The following OR7D2 variants were observed in gnomAD, a reference collection of about 807,000 sequenced individuals.
The protein encoded by OR7D2 is olfactory receptor 7D2.
For missense variants in OR7D2, 370 were observed against 384.1 expected (o/e 0.96, Z 0.31); for synonymous variants, 158 against 158.7 (o/e 1.00, Z 0.03).
At chr19:9,182,070 G>A (rs79877761) in intron 2 of OR7D2, among the ~76,000 whole-genome samples, 3,249 of 152,216 alleles carry the variant, frequency 0.021, 126 homozygotes, top group African/African-American at 0.074. Flanking sequence ...AATATGGGTG[G>A]TTAACTATGA....
rs2051057230 is a variant in OR7D2, at chr19:9,188,711, GT to G, written c.*1994del. Reference sequence around the variant, plus strand: ...TTGTTCACTGACTTTATTTCTATGTGTTTGCATGTGGGTTTTTGTTGTTTGT... The same window carrying G: ...TTGTTCACTGACTTTATTTCTATGTGTTGCATGTGGGTTTTTGTTGTTTGT... On this transcript the variant is annotated 3_prime_UTR_variant, in exon 3 of 3. Transcript: ENST00000641288. 1 of 167,068 alleles carries G rather than the reference GT, an allele frequency of 6.0e-6. No individual in the cohort carries two copies. The highest frequency in any genetic ancestry group is 2.1e-4 in the South Asian group (1 of 4,830). 10.3% of individuals were successfully genotyped at this position (167,068 alleles called of 1,614,324 possible). A position where few individuals can be genotyped will look rare whatever the true frequency, so the allele number is the denominator to read the frequency against.
In OR7D2 at chr19:9,187,737, A is replaced by G. The variant is rs1196868890; in HGVS notation, c.*1017A>G. On this transcript the variant is annotated 3_prime_UTR_variant, in exon 3 of 3. Coordinates refer to ENST00000641288, the MANE Select transcript of OR7D2 (RefSeq NM_175883.4). The stretch of plus-strand genomic sequence containing the variant: ...TCCCACTTATAACTGAGAACATACG[A>G]TATGTTCATATGGATCTTATGTATG... 2 of 166,954 alleles carry G rather than the reference A, an allele frequency of 1.2e-5. No individual in the cohort carries two copies. Among genetic ancestry groups the G allele is most frequent in the Non-Finnish European group, 1.5e-5 (1 of 68,112 alleles). The allele number at this position is 166,954 out of a possible 1,614,324, so 10.3% of individuals were successfully genotyped here.
rs1248091730 is a variant in OR7D2, at chr19:9,179,120, C to T, written c.-108C>T. ...CATACCAGCATTTTTTTTTTTCAAGCAATGTCAGTTGAGTGACTCACACTA... is the reference window on the plus strand; with the variant it reads ...CATACCAGCATTTTTTTTTTTCAAGTAATGTCAGTTGAGTGACTCACACTA... On this transcript the variant is annotated 5_prime_UTR_variant, in exon 1 of 3. Coordinates refer to ENST00000641288, the MANE Select transcript of OR7D2 (RefSeq NM_175883.4). The T allele has an allele frequency of 6.6e-6, 1 of 151,172 alleles. No individual in the cohort carries two copies. The highest frequency in any genetic ancestry group is 1.5e-5 in the Non-Finnish European group (1 of 67,834). The allele number at this position is 151,172 out of a possible 1,614,324, so 9.4% of individuals were successfully genotyped here.
rs116406503 is a variant in OR7D2 at position 9,182,449 on chromosome 19, T to C, written c.-14+1661T>C. 675 of 324,250 alleles carry C rather than the reference T, an allele frequency of 2.1e-3. 1 individual carries two copies. The highest frequency in any genetic ancestry group is 0.014 in the African/African-American group (642 of 44,504). The allele number at this position is 324,250 out of a possible 1,614,324, so 20.1% of individuals were successfully genotyped here. ...GGGAATTCGGGAATCTCGGTGGAGC[T>C]GTTAGCGTAGCGAACCTTGTACATA... is the stretch of plus-strand genomic sequence containing the variant. On this transcript the variant is annotated intron_variant, in intron 2 of 2. Transcript: ENST00000641288.
chr19:9,183,895 C>T (rs1421759917), intron 2 of OR7D2, among the ~76,000 whole-genome samples: 1 of 130,578 alleles, frequency 7.7e-6, no homozygotes, highest in East Asian at 2.6e-4. Flanking sequence ...GGGGCGGAGC[C>T]TGCAGTGAGC....
chr19:9,185,910 G>A lies in OR7D2; in HGVS notation c.129G>A (p.Leu43=). 3 of 1,614,036 alleles carry A rather than the reference G, an allele frequency of 1.9e-6. No individual in the cohort carries two copies. The highest frequency in any genetic ancestry group is 2.5e-6 in the Non-Finnish European group (3 of 1,179,976). ...SMYLVTVLGN[L]LIILAISSDS... is the part of the protein sequence containing the mutation. ...ACCTGGTGACGGTGCTGGGAAACCT[G>A]CTCATCATCCTGGCCATCAGCTCTG... is the stretch of plus-strand genomic sequence containing the variant. Residue 43 remains leucine (L), a synonymous_variant, in exon 3 of 3, where the codon CTG becomes CTA. Coordinates refer to ENST00000641288, the MANE Select transcript of OR7D2 (RefSeq NM_175883.4).
In OR7D2 at chr19:9,186,165, C is replaced by T. The variant is rs1372747773; in HGVS notation, c.384C>T (p.His128=). The change falls in exon 3 of 3, where the codon CAC becomes CAT. Residue 128 remains histidine (H), a synonymous_variant. Transcript: ENST00000641288. The stretch of plus-strand genomic sequence containing the variant: ...ATGACCGGTTTGTGGCTGTCTGCCA[C>T]CCTCTGCACTATATGATCATCATGA... The part of the protein sequence containing the change: ...MAYDRFVAVC[H]PLHYMIIMNP... 1.2e-6 allele frequency: 2 copies of T among 1,613,936 alleles called. No individual in the cohort carries two copies. The highest frequency in any genetic ancestry group is 1.7e-5 in the Admixed American group (1 of 59,996).
chr19:9,185,560 A>AT (rs1166213142), intron 2 of OR7D2: 1 of 192,506 alleles, frequency 5.2e-6, no homozygotes, highest in African/African-American at 2.3e-5. Flanking sequence ...AAATACATAT[A>AT]TACATAGTTT....
Position 9,186,968 on chromosome 19 carries a change from G to C in OR7D2, c.*248G>C. The C allele has an allele frequency of 3.3e-6, 1 of 304,970 alleles. No homozygotes were observed. Among genetic ancestry groups the C allele is most frequent in the Non-Finnish European group, 6.0e-6 (1 of 165,730 alleles). 18.9% of individuals were successfully genotyped at this position (304,970 alleles called of 1,614,324 possible). On this transcript the variant is annotated 3_prime_UTR_variant, in exon 3 of 3. Transcript: ENST00000641288. The stretch of plus-strand genomic sequence containing the variant: ...GAGTCTCACTCTGTCTCCCAGGCTG[G>C]AGTGCAGTGGAGTGATCTCGGCTCA...
At chr19:9,181,015 C>T (rs2050985861) in intron 2 of OR7D2, among the ~76,000 whole-genome samples, 1 of 151,868 alleles carries the variant, frequency 6.6e-6, no homozygotes, top group South Asian at 2.1e-4. Context: ...GTCATAGCTA[C>T]TCAGGAGGCT....
chr19:9,186,167 C>G lies in OR7D2; in HGVS notation c.386C>G (p.Pro129Arg), dbSNP rs1426724307. 6.2e-7 allele frequency: 1 copy of G among 1,613,922 alleles called. No homozygotes were observed. ...AYDRFVAVCH[P>R]LHYMIIMNPH... is the part of the protein sequence containing the mutation. The stretch of plus-strand genomic sequence containing the variant: ...GACCGGTTTGTGGCTGTCTGCCACC[C>G]TCTGCACTATATGATCATCATGAAC... Residue 129 changes from proline (P) to arginine (R), a missense_variant, in exon 3 of 3, where the codon CCT becomes CGT. Coordinates refer to ENST00000641288, the MANE Select transcript of OR7D2 (RefSeq NM_175883.4).
Position 9,186,903 on chromosome 19 carries a change from A to C in OR7D2, c.*183A>C. ...GAGCTTTTGGCGTACCAATTACCTG[A>C]ATAGTGAACATAAGGCACTTTTTTT... On this transcript the variant is annotated 3_prime_UTR_variant, in exon 3 of 3. Transcript: ENST00000641288. The C allele has an allele frequency of 1.9e-6, 1 of 519,024 alleles. No individual in the cohort carries two copies. The highest frequency in any genetic ancestry group is 3.4e-6 in the Non-Finnish European group (1 of 295,084). The allele number at this position is 519,024 out of a possible 1,614,324, so 32.2% of individuals were successfully genotyped here.
chr19:9,185,225 T>C (rs2051021667), intron 2 of OR7D2, among the ~76,000 whole-genome samples: 1 of 152,206 alleles, frequency 6.6e-6, no homozygotes, highest in Non-Finnish European at 1.5e-5. Flanking sequence ...AGACGATGGA[T>C]ATGTTCATTT....
At chr19:9,183,602 G>A (rs1455730495) in intron 2 of OR7D2, among the ~76,000 whole-genome samples, 1 of 151,780 alleles carries the variant, frequency 6.6e-6, no homozygotes, top group Non-Finnish European at 1.5e-5. Context: ...CATTACTAGC[G>A]GTTAGCTAAC....
chr19:9,183,719 A>T (rs2051007657), intron 2 of OR7D2, among the ~76,000 whole-genome samples: 1 of 151,064 alleles, frequency 6.6e-6, no homozygotes, highest in South Asian at 2.1e-4. Flanking sequence ...GCACTTTGGG[A>T]GGCCGAGGCG....
chr19:9,181,125 A>G (rs1204613293), intron 2 of OR7D2, among the ~76,000 whole-genome samples: 1 of 151,302 alleles, frequency 6.6e-6, no homozygotes, highest in African/African-American at 2.5e-5. Context: ...ACCCTGTCAA[A>G]AAAAAAATTG....
At chr19:9,181,671 C>T (rs952254572) in intron 2 of OR7D2, among the ~76,000 whole-genome samples, 1 of 151,940 alleles carries the variant, frequency 6.6e-6, no homozygotes, top group South Asian at 2.1e-4. Flanking sequence ...CCTAGGCTGG[C>T]CTCAAACTGC....
chr19:9,185,709 G>T, intron 2 of OR7D2, 60 bp from the exon 3 acceptor site: 1 of 1,041,686 alleles, frequency 9.6e-7, no homozygotes, highest in Non-Finnish European at 1.4e-6. Context: ...TCAGCCTCCC[G>T]AGTAGCTGGG....
chr19:9,186,585 C>G lies in OR7D2; in HGVS notation c.804C>G (p.Ser268=). The change falls in exon 3 of 3, where the codon TCC becomes TCG. Residue 268 remains serine, a synonymous_variant. Coordinates refer to ENST00000641288, the MANE Select transcript of OR7D2 (RefSeq NM_175883.4). ...TCACTTCTGCGGTGACTCACTCTTC[C>G]CAGAAAATCTCCGTGGCCTCGGTGA... The part of the protein sequence containing the change: ...VHFTSAVTHS[S]QKISVASVMY... 2.5e-6 allele frequency: 4 copies of G among 1,614,068 alleles called. No individual in the cohort carries two copies. The highest frequency in any genetic ancestry group is 3.4e-6 in the Non-Finnish European group (4 of 1,180,020).
Sources: gnomAD v4.1 joint callset for allele counts (sites outside exome capture counted in the v4.1 genomes callset) on GRCh38, gnomAD v4.1.1 for gene constraint, MANE v1.5 for transcripts, NCBI Gene and HGNC (gene_info 2026-07-23, HGNC 2026-07-21) for gene names.